The following TSGA10 variants were observed in gnomAD, a reference collection of about 807,000 sequenced individuals.
The protein encoded by TSGA10 is testis-specific gene 10 protein.
TSGA10 carries 43 observed loss-of-function variants against 96.6 expected under a neutral mutation model. The observed-to-expected ratio is 0.44, with a 90% CI of 0.35 to 0.57. The LOEUF (loss-of-function observed/expected upper bound fraction) is 0.57. Ranked by LOEUF, TSGA10 falls within the 20% of genes least tolerant of loss-of-function variation. TSGA10 has a pLI of 0.01. For missense variants in TSGA10, 703 were observed against 834.4 expected (o/e 0.84, Z 1.94); for synonymous variants, 229 against 269.9 (o/e 0.85, Z 1.48).
At chr2:99,045,052 G>C (rs905885472) in intron 16 of TSGA10, among the ~76,000 whole-genome samples, 3 of 152,164 alleles carry the variant, frequency 2.0e-5, no homozygotes, top group Non-Finnish European at 4.4e-5. Context: ...GAAATTTATA[G>C]CACTAAATGC....
intron 10 of TSGA10, among the ~76,000 whole-genome samples, chr2:99,094,808 T>G (rs74888123): frequency 1.3e-5 from 2 of 152,202 alleles, no homozygotes; most frequent in African/African-American, 4.8e-5. Flanking sequence ...CTGGTGGGAA[T>G]GTAAACTAGT....
chr2:99,074,160 G>A lies in TSGA10; in HGVS notation c.883-1087C>T, dbSNP rs527963977. ...CCCAAGTAGCTGGGACTACAGGCAT[G>A]CGCCACCATGCCCAGCTAATTTTTT... is the stretch of plus-strand genomic sequence containing the variant. On this transcript the variant is annotated intron_variant, in intron 12 of 20. Coordinates refer to ENST00000393483, the MANE Select transcript of TSGA10 (RefSeq NM_025244.4). Among the ~76,000 whole-genome samples, 13 of 151,606 alleles carry A rather than the reference G, an allele frequency of 8.6e-5. No homozygotes were observed. The East Asian group carries it at 2.5e-3, about 29-fold the overall frequency.
intron 16 of TSGA10, among the ~76,000 whole-genome samples, chr2:99,039,786 C>G (rs780389346): frequency 2.0e-5 from 3 of 152,080 alleles, no homozygotes; most frequent in Admixed American, 1.3e-4. Flanking sequence ...CAATATCACA[C>G]TAATACCAAA....
At chr2:99,060,841 C>T (rs2084610457) in intron 16 of TSGA10, among the ~76,000 whole-genome samples, 1 of 152,068 alleles carries the variant, frequency 6.6e-6, no homozygotes, top group Non-Finnish European at 1.5e-5. Context: ...TAAGTCTTTT[C>T]AATAAGTGGT....
chr2:99,010,352 C>A (rs1052103336), intron 20 of TSGA10, among the ~76,000 whole-genome samples: 9 of 152,180 alleles, frequency 5.9e-5, no homozygotes, highest in African/African-American at 2.2e-4. Flanking sequence ...AAAGAATTCA[C>A]ATATCCTTCG....
chr2:99,002,687 T>G (rs2078045377), intron 20 of TSGA10, among the ~76,000 whole-genome samples: 1 of 152,098 alleles, frequency 6.6e-6, no homozygotes, highest in South Asian at 2.1e-4. Context: ...AGACACAGAC[T>G]GGCAAATTGG....
intron 20 of TSGA10, among the ~76,000 whole-genome samples, chr2:99,008,250 T>C (rs72957103): frequency 0.033 from 4,981 of 152,074 alleles, 157 homozygotes; most frequent in South Asian, 0.16. Context: ...TACAGTAAGA[T>C]TAAAAGACAA....
At chr2:99,061,738 T>C (rs868121322) in intron 16 of TSGA10, among the ~76,000 whole-genome samples, 3 of 152,216 alleles carry the variant, frequency 2.0e-5, no homozygotes, top group Non-Finnish European at 2.9e-5. Context: ...AGAAACAACC[T>C]GTTATGGACA....
chr2:99,013,285 A>G (rs2079162124), intron 20 of TSGA10, among the ~76,000 whole-genome samples: 1 of 152,158 alleles, frequency 6.6e-6, no homozygotes, highest in African/African-American at 2.4e-5. Flanking sequence ...CTGTTGACCC[A>G]AAGATCACTT....
intron 4 of TSGA10, 71 bp from the exon 5 acceptor site, chr2:99,110,986 C>CA (rs375731061): frequency 1.4e-4 from 52 of 372,154 alleles, no homozygotes; most frequent in East Asian, 6.6e-4. Context: ...AAAAGAACAT[C>CA]AAAAAAAAGG....
At chr2:99,062,292 A>C (rs2084789289) in intron 16 of TSGA10, among the ~76,000 whole-genome samples, 1 of 152,050 alleles carries the variant, frequency 6.6e-6, no homozygotes, top group African/African-American at 2.4e-5. Flanking sequence ...ATAATCTGCC[A>C]CTAAGCAATT....
intron 16 of TSGA10, among the ~76,000 whole-genome samples, chr2:99,039,918 C>T (rs2082031068): frequency 6.6e-6 from 1 of 152,108 alleles, no homozygotes; most frequent in African/African-American, 2.4e-5. Flanking sequence ...AAAGATAATA[C>T]ATCATGATCA....
intron 16 of TSGA10, among the ~76,000 whole-genome samples, chr2:99,063,600 C>T (rs933254378): frequency 6.6e-6 from 1 of 151,746 alleles, no homozygotes; most frequent in South Asian, 2.1e-4. Flanking sequence ...GTCAAGAGAT[C>T]GAGAACAGCC....
At chr2:99,129,152 C>G (rs1444036169) in intron 1 of TSGA10, among the ~76,000 whole-genome samples, 1 of 152,096 alleles carries the variant, frequency 6.6e-6, no homozygotes, top group African/African-American at 2.4e-5. Context: ...AGCTGGAATT[C>G]CATATTCTCC....
At position 99,018,521 on chromosome 2, in the gene TSGA10, T is replaced by TA. The variant is rs1469059996; in HGVS notation, c.1922+14dup. The TA allele has an allele frequency of 6.2e-7, 1 of 1,609,576 alleles. No individual in the cohort carries two copies. The highest frequency in any genetic ancestry group is 1.7e-5 in the Admixed American group (1 of 59,326). Reference sequence around the variant, plus strand: ...GAAAAGCATTGTTTTTGAGCTTGCATAGAGATAAACTTACCTTTCAAAGCG... The same window carrying TA: ...GAAAAGCATTGTTTTTGAGCTTGCATAAGAGATAAACTTACCTTTCAAAGCG... On this transcript the variant is annotated intron_variant, in intron 19 of 20. Transcript: ENST00000393483.
chr2:99,001,188 C>T (rs1192975414), intron 20 of TSGA10, among the ~76,000 whole-genome samples: 1 of 152,254 alleles, frequency 6.6e-6, no homozygotes, highest in South Asian at 2.1e-4. Flanking sequence ...AGTCCCTGAC[C>T]CCCTAGTAGC....
At chr2:99,097,850 G>A (rs932762188) in intron 10 of TSGA10, among the ~76,000 whole-genome samples, 1 of 152,074 alleles carries the variant, frequency 6.6e-6, no homozygotes, top group Non-Finnish European at 1.5e-5. Flanking sequence ...AAGGTTGACA[G>A]CAAAAGAAAA....
intron 10 of TSGA10, among the ~76,000 whole-genome samples, chr2:99,096,535 T>G (rs1195423580): frequency 6.6e-6 from 1 of 152,250 alleles, no homozygotes; most frequent in Non-Finnish European, 1.5e-5. Context: ...ATGGCAGCAG[T>G]GTCAACATTT....
chr2:99,136,116 T>C (rs1262822045), intron 1 of TSGA10, among the ~76,000 whole-genome samples: 1 of 151,992 alleles, frequency 6.6e-6, no homozygotes, highest in Non-Finnish European at 1.5e-5. Flanking sequence ...ATAAGCACTA[T>C]ATATATTATT....
Sources: gnomAD v4.1 joint callset for allele counts (sites outside exome capture counted in the v4.1 genomes callset) on GRCh38, gnomAD v4.1.1 for gene constraint, MANE v1.5 for transcripts, NCBI Gene and HGNC (gene_info 2026-07-23, HGNC 2026-07-21) for gene names.